The following MIA2 variants were observed in gnomAD, a reference collection of about 807,000 sequenced individuals.
MIA2 encodes the protein melanoma inhibitory activity protein 2.
A neutral mutation model predicts 167.8 loss-of-function variants in MIA2; 127 were observed. The observed-to-expected ratio is 0.76, with a 90% confidence interval of 0.66 to 0.88. MIA2 has a LOEUF of 0.88. Among genes scored for constraint, MIA2 ranks in the 40% least tolerant of loss-of-function variants. The pLI is 0.00. For missense variants in MIA2, 1,690 were observed against 1,624.7 expected (o/e 1.04, Z -0.69); for synonymous variants, 552 against 541.9 (o/e 1.02, Z -0.26).
At chr14:39,367,030 G>GA (rs1453740126) in intron 23 of MIA2, among the ~76,000 whole-genome samples, 2 of 152,224 alleles carry the variant, frequency 1.3e-5, no homozygotes, top group Non-Finnish European at 2.9e-5. Context: ...TGGCACACTG[G>GA]AAAGCCACGC....
At position 39,248,076 on chromosome 14, in the gene MIA2, C is replaced by T. The variant is rs2054389724; in HGVS notation, c.1502C>T (p.Ser501Phe). The change falls in exon 4 of 29, where the codon TCC becomes TTC. Residue 501 changes from serine to phenylalanine, a missense_variant. Coordinates refer to ENST00000640607, the MANE Select transcript of MIA2 (RefSeq NM_001329214.4). Reference sequence around the variant, plus strand: ...GAAAATGAAGAAACTGGAGAATTTTCCATTGATAATTATCCCACAGATAAT... The same window carrying T: ...GAAAATGAAGAAACTGGAGAATTTTTCATTGATAATTATCCCACAGATAAT... ...VIENEETGEF[S>F]IDNYPTDNTK... The T allele has an allele frequency of 6.4e-7, 1 of 1,564,836 alleles. No homozygotes were observed. Among genetic ancestry groups the T allele is most frequent in the Non-Finnish European group, 8.6e-7 (1 of 1,163,140 alleles).
intron 4 of MIA2, among the ~76,000 whole-genome samples, chr14:39,251,852 C>G (rs1305201373): frequency 6.6e-6 from 1 of 152,086 alleles, no homozygotes; most frequent in African/African-American, 2.4e-5. Context: ...ACTTACTACT[C>G]TTTATTATTG....
At chr14:39,278,058 C>A (rs1367335152) in intron 7 of MIA2, among the ~76,000 whole-genome samples, 2 of 151,948 alleles carry the variant, frequency 1.3e-5, no homozygotes, top group African/African-American at 4.8e-5. Context: ...ACTGCAATCT[C>A]TGCTTCCTGT....
At chr14:39,367,721 A>G (rs908377729) in intron 23 of MIA2, among the ~76,000 whole-genome samples, 1 of 152,268 alleles carries the variant, frequency 6.6e-6, no homozygotes, top group Middle Eastern at 3.4e-3. Flanking sequence ...GTGATTATCT[A>G]CATGCTATTT....
intron 25 of MIA2, among the ~76,000 whole-genome samples, chr14:39,334,476 AAAAAAT>A (rs1220142586): frequency 6.6e-6 from 1 of 152,038 alleles, no homozygotes; most frequent in African/African-American, 2.4e-5. Context: ...TCTCTCAAAA[AAAAAAT>A]AAAAAAATGG....
intron 26 of MIA2, among the ~76,000 whole-genome samples, chr14:39,346,328 C>T (rs915347062): frequency 5.3e-5 from 8 of 152,114 alleles, no homozygotes; most frequent in Admixed American, 2.6e-4. Flanking sequence ...TACATGTGTT[C>T]TGTTTAGTAA....
At chr14:39,296,218 C>T (rs2152844458) in intron 13 of MIA2, among the ~76,000 whole-genome samples, 1 of 152,154 alleles carries the variant, frequency 6.6e-6, no homozygotes, top group South Asian at 2.1e-4. Flanking sequence ...GGTTAATTTT[C>T]TGAGGAAGAG....
At chr14:39,315,601 A>G (rs893696299) in intron 20 of MIA2, 82 bp from the exon 21 acceptor site, 6 of 1,037,362 alleles carry the variant, frequency 5.8e-6, no homozygotes, top group Non-Finnish European at 8.7e-6. Flanking sequence ...TGAGTTGTGC[A>G]CTACATCATA....
At chr14:39,302,874 C>T (rs1230801356) in intron 15 of MIA2, among the ~76,000 whole-genome samples, 1 of 152,146 alleles carries the variant, frequency 6.6e-6, no homozygotes, top group Non-Finnish European at 1.5e-5. Context: ...ACCCCTCTCT[C>T]ATTTTACCCC....
chr14:39,350,572 C>A lies in MIA2; in HGVS notation c.*308C>A. 1 of 242,928 alleles carries A rather than the reference C, an allele frequency of 4.1e-6. No homozygotes were observed. Among genetic ancestry groups the A allele is most frequent in the Non-Finnish European group, 7.8e-6 (1 of 128,522 alleles). 15.0% of individuals were successfully genotyped at this position (242,928 alleles called of 1,614,324 possible). ...AAATTCTGAAGTCTGTGTCTTTATG[C>A]CAAGAACTGTATTTACTGTGGTTGT... is the stretch of plus-strand genomic sequence containing the variant. On this transcript the variant is annotated 3_prime_UTR_variant, in exon 29 of 29. Coordinates refer to ENST00000640607, the MANE Select transcript of MIA2 (RefSeq NM_001329214.4).
downstream of MIA2, chr14:39,350,913 A>T (rs892115751): frequency 3.3e-5 from 5 of 152,108 alleles, no homozygotes; most frequent in African/African-American, 1.2e-4. Context: ...GAATTGTAGA[A>T]TTTTGATCTT....
chr14:39,308,588 G>A lies in MIA2; in HGVS notation c.3017+1G>A, dbSNP rs939111292. The A allele has an allele frequency of 2.6e-6, 4 of 1,542,324 alleles. No individual in the cohort carries two copies. Among genetic ancestry groups the A allele is most frequent in the Non-Finnish European group, 3.5e-6 (4 of 1,139,898 alleles). On this transcript the variant is annotated splice_donor_variant, in intron 18 of 28. Transcript: ENST00000640607. LOFTEE classifies it high-confidence loss of function. ...AAGAAAATGAAATGAAACTCCACAG[G>A]TAATAAAAATTATGTTAACTCCATT...
At chr14:39,317,912 ATATAT>A in intron 21 of MIA2, 27 bp from the exon 22 acceptor site, 2 of 1,452,714 alleles carry the variant, frequency 1.4e-6, no homozygotes, top group Non-Finnish European at 1.9e-6. Context: ...GTTTATATAA[ATATAT>A]TTTTAAAATG....
intron 21 of MIA2, among the ~76,000 whole-genome samples, chr14:39,316,143 T>C (rs1196602574): frequency 1.3e-5 from 2 of 152,246 alleles, no homozygotes; most frequent in African/African-American, 4.8e-5. Context: ...TTCAGTTACC[T>C]GATCCTCAGT....
intron 6 of MIA2, chr14:39,266,474 G>A (rs2055659625): frequency 1.0e-6 from 1 of 985,358 alleles, no homozygotes; most frequent in African/African-American, 1.7e-5. Flanking sequence ...TTGGGTAACT[G>A]GCCGCTAATG....
rs1140959 is a variant in MIA2 at position 39,350,164 on chromosome 14, C to G, written c.4139C>G (p.Pro1380Arg). 16 of 1,420,296 alleles carry G rather than the reference C, an allele frequency of 1.1e-5. 1 individual carries two copies. The highest frequency in any genetic ancestry group is 2.7e-5 in the East Asian group (1 of 37,394). 88.0% of individuals were successfully genotyped at this position (1,420,296 alleles called of 1,614,324 possible). A position where few individuals can be genotyped will look rare whatever the true frequency, so the allele number is the denominator to read the frequency against. ...YLPPRPGFFPPPPHSEGRSEF... is the reference protein window; with the variant it reads ...YLPPRPGFFPRPPHSEGRSEF... ...CCCCCAAGACCTGGATTTTTCCCCC[C>G]ACCCCCACATTCTGAAGGTAGAAGT... Residue 1380 changes from proline to arginine, a missense_variant, in exon 29 of 29, where the codon CCA (proline) becomes CGA (arginine). Pro to Arg is a moderately radical substitution (Grantham distance 103, BLOSUM62 -2). Transcript: ENST00000640607.
chr14:39,275,103 TA>T lies in MIA2; in HGVS notation c.1888-1828del, dbSNP rs373802157. ...AAAAAAAAAAAATTTTTTTTTTTTTTAAATTATTCCTTAATTTCCATGTTTC... is the reference window on the plus strand; with the variant it reads ...AAAAAAAAAAAATTTTTTTTTTTTTTAATTATTCCTTAATTTCCATGTTTC... On this transcript the variant is annotated intron_variant, in intron 6 of 28. Transcript: ENST00000640607. 1.7e-3 allele frequency among the ~76,000 whole-genome samples: 228 copies of T among 136,086 alleles called. 2 individuals are homozygous for T. In the Middle Eastern group the frequency reaches 0.019, roughly 11 times the overall value. The allele number at this position is 136,086 out of a possible 152,430, so 89.3% of individuals were successfully genotyped here. A position where few individuals can be genotyped will look rare whatever the true frequency, so the allele number is the denominator to read the frequency against.
At chr14:39,385,301 C>T in intron 23 of MIA2, 1 of 677,494 alleles carries the variant, frequency 1.5e-6, no homozygotes, top group South Asian at 1.8e-5. Flanking sequence ...ACAAAAAAAT[C>T]CACACAACTT....
intron 23 of MIA2, among the ~76,000 whole-genome samples, chr14:39,366,091 C>T (rs562167564): frequency 6.6e-6 from 1 of 152,206 alleles, no homozygotes; most frequent in East Asian, 1.9e-4. Flanking sequence ...AGACTTTAAG[C>T]AGCTTCAGTG....
Sources: allele counts gnomAD v4.1 joint callset (sites outside exome capture counted in the v4.1 genomes callset), GRCh38; gene constraint gnomAD v4.1.1; transcripts MANE v1.5; gene names NCBI Gene and HGNC (gene_info 2026-07-23, HGNC 2026-07-21).